Variants in ANK3 observed in about 807,000 individuals in gnomAD.
ANK3 encodes the protein ankyrin 3.
In ANK3, 57 loss-of-function variants were observed where a neutral mutation model predicts 370.9. The observed-to-expected ratio is 0.15, with a 90% CI of 0.12 to 0.19. The LOEUF (loss-of-function observed/expected upper bound fraction) is 0.19. Ranked by LOEUF, ANK3 falls within the 10% of genes least tolerant of loss-of-function variation. The pLI, the probability that ANK3 is intolerant of heterozygous loss-of-function variation, is 1.00. For missense variants in ANK3, 4,439 were observed against 5,302.1 expected, an observed-to-expected ratio of 0.84 and a Z score of 5.06; for synonymous variants, 1,929 against 1,946.3, an observed-to-expected ratio of 0.99 and a Z score of 0.23.
At chr10:60,342,697 T>C (rs2054533724) in intron 1 of ANK3, among the ~76,000 whole-genome samples, 1 of 152,094 alleles carries the variant, frequency 6.6e-6, no homozygotes, top group African/African-American at 2.4e-5. Context: ...ACCAGACAAG[T>C]TAGGTAATAG....
chr10:60,629,674 T>C (rs1407997590), intron 1 of ANK3, among the ~76,000 whole-genome samples: 2 of 152,132 alleles, frequency 1.3e-5, no homozygotes, highest in African/African-American at 4.8e-5. Flanking sequence ...CTTTTGTATA[T>C]TTAATAAACA....
rs72822270 is a variant in ANK3 at position 60,314,853 on chromosome 10, A to C, written c.115-35214T>G. On this transcript the variant is annotated intron_variant, in intron 1 of 43. Transcript: ENST00000280772. ...TATATATTGGCAACTAATTTAAAAA[A>C]ACTGGACATAAACTATGAAGGGAAG... 5.5e-3 allele frequency among the ~76,000 whole-genome samples: 832 copies of C among 152,356 alleles called. 5 individuals are homozygous for C. Among genetic ancestry groups the C allele is most frequent in the South Asian group, 0.013 (63 of 4,830 alleles).
chr10:60,456,952 G>T (rs1369490376), intron 2 of ANK3, among the ~76,000 whole-genome samples: 1 of 152,064 alleles, frequency 6.6e-6, no homozygotes, highest in Admixed American at 6.6e-5. Context: ...GTGCTTAGTT[G>T]CCTGCCCGAG....
At chr10:60,317,607 GTAT>G (rs2047711990) in intron 1 of ANK3, among the ~76,000 whole-genome samples, 2 of 151,862 alleles carry the variant, frequency 1.3e-5, no homozygotes, top group African/African-American at 2.4e-5. Flanking sequence ...TGTAAAGTAA[GTAT>G]TATTATCTCC....
chr10:60,410,699 A>T (rs892086389), intron 2 of ANK3, among the ~76,000 whole-genome samples: 31 of 152,064 alleles, frequency 2.0e-4, no homozygotes, highest in African/African-American at 7.5e-4. Context: ...CAGGGTCTCA[A>T]TCTGTTGCCC....
At chr10:60,578,715 A>G (rs1283833659) in intron 2 of ANK3, among the ~76,000 whole-genome samples, 1 of 152,148 alleles carries the variant, frequency 6.6e-6, no homozygotes, top group Non-Finnish European at 1.5e-5. Context: ...TTTATTATCA[A>G]ATATCCATCC....
At chr10:60,713,730 A>C (rs1391918966) in intron 1 of ANK3, among the ~76,000 whole-genome samples, 1 of 152,104 alleles carries the variant, frequency 6.6e-6, no homozygotes, top group Non-Finnish European at 1.5e-5. Flanking sequence ...TCTCTACTAA[A>C]AATACAAAAA....
chr10:60,181,242 GT>G (rs2096175342), intron 18 of ANK3, 86 bp downstream of exon 18: 1 of 1,147,882 alleles, frequency 8.7e-7, no homozygotes, highest in Non-Finnish European at 1.3e-6. Flanking sequence ...TAAAGGGTTT[GT>G]TCTCCTGATA....
At chr10:60,501,861 C>A (rs1461751106) in intron 2 of ANK3, among the ~76,000 whole-genome samples, 1 of 152,214 alleles carries the variant, frequency 6.6e-6, no homozygotes, top group East Asian at 1.9e-4. Context: ...GTGGTGCAAA[C>A]CTGTAGTCTA....
chr10:60,615,780 TATA>T (rs2078260215), intron 1 of ANK3, among the ~76,000 whole-genome samples: 1 of 152,166 alleles, frequency 6.6e-6, no homozygotes, highest in Non-Finnish European at 1.5e-5. Context: ...ACATGGTTCC[TATA>T]ATATTATTAC....
intron 2 of ANK3, among the ~76,000 whole-genome samples, chr10:60,570,383 C>G (rs2077563467): frequency 6.6e-6 from 1 of 152,114 alleles, no homozygotes. Flanking sequence ...TAGGGAGAAT[C>G]AAGACATTTC....
At chr10:60,585,568 G>A (rs1360535021) in intron 2 of ANK3, among the ~76,000 whole-genome samples, 1 of 152,130 alleles carries the variant, frequency 6.6e-6, no homozygotes, top group Non-Finnish European at 1.5e-5. Context: ...CACTTCAGGT[G>A]ACATATAATA....
intron 36 of ANK3, among the ~76,000 whole-genome samples, chr10:60,079,368 C>T (rs1434034471): frequency 6.6e-6 from 1 of 152,136 alleles, no homozygotes; most frequent in Non-Finnish European, 1.5e-5. Context: ...CTCTTATATT[C>T]TCCATTTTGT....
At chr10:60,620,893 T>C (rs950196724) in intron 1 of ANK3, among the ~76,000 whole-genome samples, 6 of 152,216 alleles carry the variant, frequency 3.9e-5, no homozygotes, top group African/African-American at 1.4e-4. Flanking sequence ...GCATAAGCCA[T>C]ATTTGATCAT....
At chr10:60,184,576 G>C (rs911332735) in intron 17 of ANK3, among the ~76,000 whole-genome samples, 28 of 152,154 alleles carry the variant, frequency 1.8e-4, no homozygotes, top group African/African-American at 6.8e-4. Context: ...ATTTACTCAG[G>C]AAAGTGGCCA....
intron 1 of ANK3, among the ~76,000 whole-genome samples, chr10:60,377,642 A>T (rs2060971462): frequency 6.6e-6 from 1 of 152,218 alleles, no homozygotes; most frequent in African/African-American, 2.4e-5. Flanking sequence ...TAGAAAATAA[A>T]GTAATAAAAA....
At position 60,059,323 on chromosome 10, in the gene ANK3, T is replaced by C; in HGVS notation, c.12686+17A>G. The C allele has an allele frequency of 1.2e-6, 2 of 1,609,964 alleles. No homozygotes were observed. The highest frequency in any genetic ancestry group is 1.7e-5 in the Admixed American group (1 of 59,998). ...AAGTAACCTGTGTTCACTTTCCTTTTTTTGAAACAGCCATACCTGTCATCC... is the reference window on the plus strand; with the variant it reads ...AAGTAACCTGTGTTCACTTTCCTTTCTTTGAAACAGCCATACCTGTCATCC... On this transcript the variant is annotated intron_variant, in intron 41 of 43. Coordinates refer to ENST00000280772, the MANE Select transcript of ANK3 (RefSeq NM_020987.5).
intron 2 of ANK3, among the ~76,000 whole-genome samples, chr10:60,595,726 A>C (rs1209213297): frequency 2.0e-5 from 3 of 152,126 alleles, no homozygotes; most frequent in Non-Finnish European, 4.4e-5. Flanking sequence ...CTTTGTTTCA[A>C]AGTTAAACTA....
intron 2 of ANK3, among the ~76,000 whole-genome samples, chr10:60,460,549 C>T (rs1344426099): frequency 6.6e-6 from 1 of 152,076 alleles, no homozygotes; most frequent in Non-Finnish European, 1.5e-5. Context: ...TCTGATTTCA[C>T]CTCAATGTAT....
Sources: allele counts gnomAD v4.1 joint callset (sites outside exome capture counted in the v4.1 genomes callset), GRCh38; gene constraint gnomAD v4.1.1; transcripts MANE v1.5; gene names NCBI Gene and HGNC (gene_info 2026-07-23, HGNC 2026-07-21).